Variants in TMEM200C observed in about 807,000 individuals in gnomAD.
The protein encoded by TMEM200C is transmembrane protein 200C, also known as transmembrane protein TTMA.
For synonymous variants in TMEM200C, 462 were observed against 324.7 expected, an observed-to-expected ratio of 1.42 and a Z score of -4.55; for missense variants, 966 against 699.9, an observed-to-expected ratio of 1.38 and a Z score of -4.29.
chr18:5,892,299 T>C, intron 2 of TMEM200C, 142 bp from the exon 2 acceptor site: 1 of 576,632 alleles, frequency 1.7e-6, no homozygotes, highest in Non-Finnish European at 3.1e-6. Flanking sequence ...CAAGGCCGTG[T>C]ACAGAGGCTG....
Position 5,890,337 on chromosome 18 carries a change from T to G in TMEM200C, c.1727A>C (p.Glu576Ala), listed in dbSNP as rs770561700. The G allele has an allele frequency of 1.6e-5, 25 of 1,603,772 alleles. No homozygotes were observed. In the South Asian group the frequency reaches 2.7e-4, roughly 17 times the overall value. ...CGTGGGTGGCTCCTGGCTGGCACCC[T>G]CCGGCGAGCTCTGCTCCGCACCCAG... Residue 576 changes from glutamate to alanine, a missense_variant, in exon 3 of 3, where the codon GAG becomes GCG. Transcript: ENST00000581347.
chr18:5,885,015 T>C (rs918716729), exon 3 of TMEM200C: 3 of 152,168 alleles, frequency 2.0e-5, no homozygotes, highest in Admixed American at 1.3e-4. Context: ...TTAAAAAATA[T>C]ATGAATTAAT....
chr18:5,890,853 G>A (rs1454637470), exon 3 of TMEM200C: 2 of 679,778 alleles, frequency 2.9e-6, no homozygotes, highest in South Asian at 1.5e-5. Context: ...TTCCCCCGGA[G>A]GCCTCTGCCA....
exon 3 of TMEM200C, chr18:5,888,385 G>A (rs531340488): frequency 6.6e-6 from 1 of 152,202 alleles, no homozygotes; most frequent in Non-Finnish European, 1.5e-5. Context: ...CCCTTTTAAA[G>A]TGTATTACAG....
At chr18:5,890,905 C>T in exon 3 of TMEM200C, 1 of 682,704 alleles carries the variant, frequency 1.5e-6, no homozygotes. Flanking sequence ...CTATCGCGGC[C>T]CCCTTGCAAG....
exon 3 of TMEM200C, chr18:5,883,409 T>C (rs1195372832): frequency 6.6e-6 from 1 of 152,140 alleles, no homozygotes; most frequent in African/African-American, 2.4e-5. Flanking sequence ...CATCTATACT[T>C]TGCTATTCTG....
chr18:5,883,656 G>A (rs1182642747), exon 3 of TMEM200C: 2 of 152,080 alleles, frequency 1.3e-5, no homozygotes, highest in Non-Finnish European at 2.9e-5. Context: ...CAAAATTGAT[G>A]TAGAAATCTG....
exon 3 of TMEM200C, chr18:5,887,765 C>T (rs1046376892): frequency 6.6e-6 from 1 of 152,180 alleles, no homozygotes; most frequent in Admixed American, 6.5e-5. Flanking sequence ...GATTTCTGCT[C>T]CTATGAAAGT....
Position 5,891,128 on chromosome 18 carries a change from C to T in TMEM200C, c.936G>A (p.Pro312=). Residue 312 remains proline (P), a synonymous_variant, in exon 3 of 3, where the codon CCG becomes CCA. Transcript: ENST00000581347. The surrounding 1 kb of genome is among the most constrained non-coding windows in gnomAD (Gnocchi z 4.7). ...CCTCGGCCAGGCTCGGGGGCTCCCG[C>T]GGACAGCGCGGGGAAGAGGCCAGGT... 2.0e-6 allele frequency: 1 copy of T among 501,388 alleles called. No individual in the cohort carries two copies. The highest frequency in any genetic ancestry group is 3.3e-6 in the Non-Finnish European group (1 of 303,270). 31.1% of individuals were successfully genotyped at this position (501,388 alleles called of 1,614,324 possible).
chr18:5,895,394 CTT>C (rs2095175072), exon 2 of TMEM200C: 1 of 151,274 alleles, frequency 6.6e-6, no homozygotes, highest in Non-Finnish European at 1.5e-5. Flanking sequence ...CCTCGCGCCT[CTT>C]TTGTGTGGCT....
Position 5,891,274 on chromosome 18 carries a change from C to G in TMEM200C, c.790G>C (p.Gly264Arg), listed in dbSNP as rs1364727619. ...GCGTCCCCGGAGCCACCGCAGCCCC[C>G]GGGCTTCAGCTCCAGGCCCCGCGAC... The change falls in exon 3 of 3, where the codon GGG (glycine) becomes CGG (arginine). Residue 264 changes from glycine (G) to arginine (R), a missense_variant. Gly to Arg is a moderately radical substitution (Grantham distance 125). Coordinates refer to ENST00000581347, the Ensembl canonical transcript of TMEM200C. The surrounding 1 kb of genome is among the most constrained non-coding windows in gnomAD (Gnocchi z 4.7). 56 of 1,408,654 alleles carry G rather than the reference C, an allele frequency of 4.0e-5. No individual in the cohort carries two copies. The highest frequency in any genetic ancestry group is 4.9e-5 in the Non-Finnish European group (53 of 1,076,420). The allele number at this position is 1,408,654 out of a possible 1,614,324, so 87.3% of individuals were successfully genotyped here.
intron 2 of TMEM200C, 140 bp from the exon 2 acceptor site, chr18:5,892,297 T>G (rs937531879): frequency 3.5e-6 from 2 of 578,862 alleles, no homozygotes; most frequent in Non-Finnish European, 6.1e-6. Flanking sequence ...AACAAGGCCG[T>G]GTACAGAGGC....
rs776402292 is a variant in TMEM200C at position 5,891,807 on chromosome 18, C to T, written c.257G>A (p.Gly86Asp). Reference sequence around the variant, plus strand: ...GCTGCCCGCAGGCGGCAGCTGCTTACCCCCCTCCCGATTGGTCCCGGTGGC... The same window carrying T: ...GCTGCCCGCAGGCGGCAGCTGCTTATCCCCCTCCCGATTGGTCCCGGTGGC... The change falls in exon 3 of 3, where the codon GGT (glycine) becomes GAT (aspartate). Residue 86 changes from glycine to aspartate, a missense_variant. Transcript: ENST00000581347. This position sits in a 1 kb window ranked among gnomAD's most constrained non-coding sequence, Gnocchi z 4.7. The T allele has an allele frequency of 3.1e-6, 5 of 1,604,222 alleles. No homozygotes were observed. Among genetic ancestry groups the T allele is most frequent in the East Asian group, 2.2e-5 (1 of 44,800 alleles).
chr18:5,884,347 G>C (rs1030061328), exon 3 of TMEM200C: 3 of 151,988 alleles, frequency 2.0e-5, no homozygotes, highest in Non-Finnish European at 4.4e-5. Context: ...CCAGCTTTTT[G>C]TACCTATCTG....
chr18:5,890,670 G>T, exon 3 of TMEM200C: 1 of 598,362 alleles, frequency 1.7e-6, no homozygotes, highest in South Asian at 6.0e-5. Flanking sequence ...CCGCAAGGCC[G>T]CGTACCTGCC....
At chr18:5,889,600 C>T (rs2095168019) in exon 3 of TMEM200C, 1 of 152,026 alleles carries the variant, frequency 6.6e-6, no homozygotes, top group African/African-American at 2.4e-5. Flanking sequence ...ACGTACACAC[C>T]CGTTTAAAAA....
Position 5,891,379 on chromosome 18 carries a change from CGGCGGCCGCGGCGGCGGCCGCGGCG to C in TMEM200C, c.660_684del (p.Ala221ProfsTer33). On this transcript the variant is annotated frameshift_variant, in exon 3 of 3. Transcript: ENST00000581347. LOFTEE classifies it low-confidence loss of function (END_TRUNC). The surrounding 1 kb of genome is among the most constrained non-coding windows in gnomAD (Gnocchi z 4.7). ...GGGGCAGACGACGACGAAGAGGCGGCGGCGGCCGCGGCGGCGGCCGCGGCGGCCGCCAGGTCTTTGGCGCGGAGGC... is the reference window on the plus strand; with the variant it reads ...GGGGCAGACGACGACGAAGAGGCGGCGCCGCCAGGTCTTTGGCGCGGAGGC... 1 of 1,306,726 alleles carries C rather than the reference CGGCGGCCGCGGCGGCGGCCGCGGCG, an allele frequency of 7.7e-7. No homozygotes were observed. The highest frequency in any genetic ancestry group is 9.7e-7 in the Non-Finnish European group (1 of 1,033,404). The allele number at this position is 1,306,726 out of a possible 1,614,324, so 80.9% of individuals were successfully genotyped here. A position where few individuals can be genotyped will look rare whatever the true frequency, so the allele number is the denominator to read the frequency against.
chr18:5,896,092 T>C (rs1323546387), upstream of TMEM200C: 1 of 152,262 alleles, frequency 6.6e-6, no homozygotes, highest in African/African-American at 2.4e-5. Flanking sequence ...GCACAGTAAG[T>C]TGTCCCCCAG....
At chr18:5,887,849 G>A (rs1021796979) in exon 3 of TMEM200C, 2 of 152,146 alleles carry the variant, frequency 1.3e-5, no homozygotes, top group African/African-American at 2.4e-5. Flanking sequence ...CCAAGATTTG[G>A]AAAATTGAGC....
Sources: allele counts gnomAD v4.1 joint callset, GRCh38; gene constraint gnomAD v4.1.1; non-coding constraint Gnocchi (gnomAD v3.1); transcripts MANE v1.5; gene names NCBI Gene and HGNC (gene_info 2026-07-23, HGNC 2026-07-21).